The following KITLG variants were observed in gnomAD, a reference collection of about 807,000 sequenced individuals.
KITLG encodes KIT ligand.
A neutral mutation model predicts 34.1 loss-of-function variants in KITLG; 13 were observed. The ratio of observed to expected loss-of-function variants is 0.38; its 90% CI spans 0.25 to 0.61. The LOEUF is 0.61. Among genes scored for constraint, KITLG ranks in the 20% least tolerant of loss-of-function variants. KITLG has a pLI of 0.60. For missense variants in KITLG, 292 were observed against 318.9 expected, an observed-to-expected ratio of 0.92 and a Z score of 0.64; for synonymous variants, 110 against 104.0, an observed-to-expected ratio of 1.06 and a Z score of -0.35.
rs1164599991 is a variant in KITLG at position 88,494,755 on chromosome 12, C to A, written c.*2464G>T. On this transcript the variant is annotated 3_prime_UTR_variant, in exon 10 of 10. Transcript: ENST00000644744. ...ATCATTTTAAAAGGTAATTTTGAAA[C>A]CTTCCAAGATGGAACTGTCAGATAC... 3 of 152,198 alleles carry A rather than the reference C, an allele frequency of 2.0e-5. No homozygotes were observed. The highest frequency in any genetic ancestry group is 7.2e-5 in the African/African-American group (3 of 41,400). The allele number at this position is 152,198 out of a possible 1,614,324, so 9.4% of individuals were successfully genotyped here. A position where few individuals can be genotyped will look rare whatever the true frequency, so the allele number is the denominator to read the frequency against.
intron 1 of KITLG, among the ~76,000 whole-genome samples, chr12:88,569,084 GA>G (rs1180833238): frequency 6.6e-6 from 1 of 152,108 alleles, no homozygotes; most frequent in African/African-American, 2.4e-5. Flanking sequence ...CTCATATAGG[GA>G]AAAGTAGGCA....
chr12:88,562,046 C>T (rs1871313171), intron 1 of KITLG, among the ~76,000 whole-genome samples: 1 of 152,180 alleles, frequency 6.6e-6, no homozygotes, highest in South Asian at 2.1e-4. Flanking sequence ...CTCTTATCAT[C>T]TGTTCCTCCC....
chr12:88,542,954 A>G (rs183186687), intron 2 of KITLG, among the ~76,000 whole-genome samples: 1 of 152,292 alleles, frequency 6.6e-6, no homozygotes, highest in Admixed American at 6.5e-5. Context: ...ATTAAATAAG[A>G]GTCAAGACAT....
intron 1 of KITLG, 56 bp downstream of exon 1, chr12:88,580,208 C>A: frequency 6.4e-7 from 1 of 1,569,868 alleles, no homozygotes; most frequent in African/African-American, 1.3e-5. Context: ...TTCCCCGGGG[C>A]ACCGGGCGCG....
rs142456776 is a variant in KITLG at position 88,522,577 on chromosome 12, G to A, written c.193-3710C>T. On this transcript the variant is annotated intron_variant, in intron 3 of 9. Coordinates refer to ENST00000644744, the MANE Select transcript of KITLG (RefSeq NM_000899.5). The stretch of plus-strand genomic sequence containing the variant: ...TGAGTAGTTGGGATTACGGGCATCT[G>A]CCACCACGCCCAGCTAACTTTTGTT... 3.3e-3 allele frequency among the ~76,000 whole-genome samples: 508 copies of A among 152,052 alleles called. 4 individuals carry two copies. Among genetic ancestry groups the A allele is most frequent in the African/African-American group, 0.012 (491 of 41,470 alleles).
intron 9 of KITLG, 21 bp downstream of exon 9, chr12:88,505,137 AG>A (rs1341612384): frequency 7.9e-7 from 1 of 1,270,208 alleles, no homozygotes; most frequent in Non-Finnish European, 1.1e-6. Context: ...AGAAAAAAAA[AG>A]GAAAGAAGAA....
At chr12:88,574,478 C>T (rs903945256) in intron 1 of KITLG, among the ~76,000 whole-genome samples, 1 of 152,134 alleles carries the variant, frequency 6.6e-6, no homozygotes, top group Non-Finnish European at 1.5e-5. Context: ...GCTCCCTCCT[C>T]TTTCCACCTC....
intron 6 of KITLG, among the ~76,000 whole-genome samples, chr12:88,510,409 T>C (rs1869233064): frequency 6.6e-6 from 1 of 152,182 alleles, no homozygotes; most frequent in African/African-American, 2.4e-5. Flanking sequence ...ACATGTGTAC[T>C]AACTCACTTA....
chr12:88,559,921 G>A lies in KITLG; in HGVS notation c.16-14056C>T, dbSNP rs73199444. On this transcript the variant is annotated intron_variant, in intron 1 of 9. Coordinates refer to ENST00000644744, the MANE Select transcript of KITLG (RefSeq NM_000899.5). ...AATACTCTACAACTGCAGGTTCAAT[G>A]ACATGCCCAGGACTTGTTCTTCTGA... Among the ~76,000 whole-genome samples the A allele has an allele frequency of 1.6e-3, 247 of 152,246 alleles. 1 individual carries two copies. The highest frequency in any genetic ancestry group is 2.6e-3 in the Non-Finnish European group (180 of 68,018).
intron 3 of KITLG, among the ~76,000 whole-genome samples, chr12:88,519,973 T>C (rs1487456519): frequency 6.6e-6 from 1 of 152,160 alleles, no homozygotes; most frequent in Admixed American, 6.6e-5. Flanking sequence ...TTATATTCAT[T>C]TAACAGAACT....
intron 1 of KITLG, among the ~76,000 whole-genome samples, chr12:88,560,819 T>G (rs374908982): frequency 6.6e-6 from 1 of 151,458 alleles, no homozygotes; most frequent in East Asian, 1.9e-4. Context: ...AATAAAAAAA[T>G]TAGCCGGGCA....
chr12:88,548,100 G>A (rs1298912211), intron 1 of KITLG, among the ~76,000 whole-genome samples: 3 of 152,136 alleles, frequency 2.0e-5, no homozygotes, highest in Non-Finnish European at 4.4e-5. Context: ...GAGTCACCAT[G>A]TGTACTGCTT....
chr12:88,505,092 A>C (rs1354616896), intron 9 of KITLG, 67 bp downstream of exon 9: 6 of 796,866 alleles, frequency 7.5e-6, no homozygotes, highest in Non-Finnish European at 1.3e-5. Context: ...CACATTGTGC[A>C]CATGTACCCT....
rs758928713 is a variant in KITLG at position 88,555,817 on chromosome 12, A to G, written c.16-9952T>C. On this transcript the variant is annotated intron_variant, in intron 1 of 9. Coordinates refer to ENST00000644744, the MANE Select transcript of KITLG (RefSeq NM_000899.5). ...ATCCCAGGGGCCACTTCTTCATTTA[A>G]CAGACATGTATGGAGTATCTAATAA... Among the ~76,000 whole-genome samples, 34 of 152,338 alleles carry G rather than the reference A, an allele frequency of 2.2e-4. 1 individual carries two copies. The highest frequency in any genetic ancestry group is 1.1e-3 in the Admixed American group (17 of 15,306).
chr12:88,536,825 G>A (rs923155499), intron 2 of KITLG, among the ~76,000 whole-genome samples: 1 of 152,024 alleles, frequency 6.6e-6, no homozygotes. Flanking sequence ...CACACACCAG[G>A]GCCTGTTGGG....
At chr12:88,522,051 T>C (rs183173837) in intron 3 of KITLG, among the ~76,000 whole-genome samples, 3 of 152,232 alleles carry the variant, frequency 2.0e-5, no homozygotes, top group East Asian at 1.9e-4. Flanking sequence ...CACCAAATCA[T>C]GATCTCGCTA....
Position 88,516,319 on chromosome 12 carries a change from G to T in KITLG, c.520+15C>A. 1 of 1,605,336 alleles carries T rather than the reference G, an allele frequency of 6.2e-7. No individual in the cohort carries two copies. The highest frequency in any genetic ancestry group is 8.5e-7 in the Non-Finnish European group (1 of 1,173,402). Reference sequence around the variant, plus strand: ...TGTTGTTTACATTTGAACTGGAAATGCTTACATGTCTTACCTTTCTCAGGA... The same window carrying T: ...TGTTGTTTACATTTGAACTGGAAATTCTTACATGTCTTACCTTTCTCAGGA... On this transcript the variant is annotated intron_variant, in intron 5 of 9. Transcript: ENST00000644744.
Position 88,505,182 on chromosome 12 carries a change from G to A in KITLG, c.*14C>T, listed in dbSNP as rs1385501986. On this transcript the variant is annotated 3_prime_UTR_variant, in exon 9 of 10. Coordinates refer to ENST00000644744, the MANE Select transcript of KITLG (RefSeq NM_000899.5). ...ACCAATGTACGAAAGTAACAGTGTT[G>A]ATACAAGCCACAATTACACTTCTTG... is the stretch of plus-strand genomic sequence containing the variant. 4 of 1,594,644 alleles carry A rather than the reference G, an allele frequency of 2.5e-6. No individual in the cohort carries two copies. Among genetic ancestry groups the A allele is most frequent in the Non-Finnish European group, 1.7e-6 (2 of 1,162,610 alleles).
chr12:88,579,990 T>TTA, intron 1 of KITLG: 1 of 584,430 alleles, frequency 1.7e-6, no homozygotes, highest in Non-Finnish European at 3.1e-6. Context: ...CAGACGGGAA[T>TTA]TACGGTTTCC....
Sources: allele counts gnomAD v4.1 joint callset (sites outside exome capture counted in the v4.1 genomes callset), GRCh38; gene constraint gnomAD v4.1.1; transcripts MANE v1.5; gene names NCBI Gene and HGNC (gene_info 2026-07-23, HGNC 2026-07-21).